The following TRANK1 variants were observed in gnomAD, a reference collection of about 807,000 sequenced individuals.
TRANK1 encodes TPR and ankyrin repeat-containing protein 1.
In TRANK1, 198 loss-of-function variants were observed where a neutral mutation model predicts 266.0. The observed-to-expected ratio is 0.74, with a 90% CI of 0.66 to 0.84. The LOEUF (loss-of-function observed/expected upper bound fraction) is 0.84. Among genes scored for constraint, TRANK1 ranks in the 40% least tolerant of loss-of-function variants. The probability of loss-of-function intolerance (pLI) is 0.00; values close to 1 mark genes in which losing one functional copy is unlikely to be tolerated. For synonymous variants in TRANK1, 1,396 were observed against 1,384.1 expected, an observed-to-expected ratio of 1.01 and a Z score of -0.19; for missense variants, 3,326 against 3,634.6, an observed-to-expected ratio of 0.92 and a Z score of 2.18.
chr3:36,861,188 C>T, intron 10 of TRANK1, 28 bp from the exon 11 acceptor site: 1 of 1,525,790 alleles, frequency 6.6e-7, no homozygotes. Flanking sequence ...AAGACACATT[C>T]CAAAAATGTT....
Position 36,892,483 on chromosome 3 carries a change from T to C in TRANK1, c.637-143A>G, listed in dbSNP as rs1044493370. ...CTAGGATTATTATAAATAACAAATT[T>C]GTGGTAAGGCAGCTGAAGGAGAAAG... is the stretch of plus-strand genomic sequence containing the variant. On this transcript the variant is annotated intron_variant, in intron 6 of 23. Coordinates refer to ENST00000645898, the MANE Select transcript of TRANK1 (RefSeq NM_001329998.2). 11 of 1,093,676 alleles carry C rather than the reference T, an allele frequency of 1.0e-5. No individual in the cohort carries two copies. The African/African-American group carries it at 1.8e-4, about 17-fold the overall frequency. 67.7% of individuals were successfully genotyped at this position (1,093,676 alleles called of 1,614,324 possible).
At position 36,833,964 on chromosome 3, in the gene TRANK1, C is replaced by T. The variant is rs780182104; in HGVS notation, c.5664-45G>A. On this transcript the variant is annotated intron_variant, in intron 21 of 23. Coordinates refer to ENST00000645898, the MANE Select transcript of TRANK1 (RefSeq NM_001329998.2). ...AAATGTCAACTTGCCATCACCCAAT[C>T]AATAGAAAATTTCCTCCAAAATACA... 1.6e-5 allele frequency: 24 copies of T among 1,531,232 alleles called. No individual in the cohort carries two copies. In the Middle Eastern group the frequency reaches 5.2e-4, roughly 33 times the overall value. The allele number at this position is 1,531,232 out of a possible 1,614,324, so 94.9% of individuals were successfully genotyped here.
intron 9 of TRANK1, among the ~76,000 whole-genome samples, chr3:36,866,746 C>A (rs946965691): frequency 1.3e-5 from 2 of 152,200 alleles, no homozygotes; most frequent in African/African-American, 4.8e-5. Context: ...CCCTTGAAAA[C>A]AAGCCTTGGG....
chr3:36,874,987 A>T (rs1009064494), intron 8 of TRANK1, among the ~76,000 whole-genome samples: 3 of 151,528 alleles, frequency 2.0e-5, no homozygotes, highest in Non-Finnish European at 2.9e-5. Flanking sequence ...TGAGAAGGCA[A>T]CTGCACTTCT....
chr3:36,830,267 A>G (rs1031480493), intron 22 of TRANK1, among the ~76,000 whole-genome samples: 3 of 152,000 alleles, frequency 2.0e-5, no homozygotes, highest in Non-Finnish European at 4.4e-5. Context: ...GTGAGCCAAG[A>G]TCACGCCACT....
At position 36,832,140 on chromosome 3, in the gene TRANK1, G is replaced by A; in HGVS notation, c.7443C>T (p.Ser2481=). The A allele has an allele frequency of 6.2e-7, 1 of 1,613,976 alleles. No individual in the cohort carries two copies. The highest frequency in any genetic ancestry group is 8.5e-7 in the Non-Finnish European group (1 of 1,179,894). ...WKNVILCLPK[S]YIALLHYWEF... ...CCCAGTAGTGCAAGAGTGCAATGTA[G>A]CTCTTGGGGAGGCATAGAATGACAT... Residue 2481 remains serine, a synonymous_variant, in exon 22 of 24, where the codon AGC becomes AGT. Transcript: ENST00000645898.
rs139121810 is a variant in TRANK1 at position 36,842,888 on chromosome 3, C to T, written c.5192-178G>A. Among the ~76,000 whole-genome samples the T allele has an allele frequency of 3.3e-3, 496 of 152,286 alleles. 4 individuals carry two copies. Among genetic ancestry groups the T allele is most frequent in the East Asian group, 0.023 (118 of 5,174 alleles). ...AGAGATAGGGCCTTTACAGAGGTGA[C>T]TAGGTTAAAATGAGGCCATTAGGAT... On this transcript the variant is annotated intron_variant, in intron 17 of 23. Transcript: ENST00000645898.
At position 36,832,948 on chromosome 3, in the gene TRANK1, G is replaced by A; in HGVS notation, c.6635C>T (p.Pro2212Leu). Reference protein sequence around the residue: ...EDENCEHFHRPLRRCEAKCLV... With the variant: ...EDENCEHFHRLLRRCEAKCLV... ...ACACTTGGCTTCACAACGCCGCAGA[G>A]GCCTGTGAAAATGTTCACAGTTTTC... Residue 2212 changes from proline (P) to leucine (L), a missense_variant, in exon 22 of 24, where the codon CCT becomes CTT. Transcript: ENST00000645898. The A allele has an allele frequency of 6.2e-7, 1 of 1,612,472 alleles. No homozygotes were observed.
rs370407851 is a variant in TRANK1 at position 36,834,937 on chromosome 3, A to C, written c.5518-30T>G. On this transcript the variant is annotated intron_variant, in intron 20 of 23. Coordinates refer to ENST00000645898, the MANE Select transcript of TRANK1 (RefSeq NM_001329998.2). ...GATGGAGTAAATTTTACTTTTATTT[A>C]GAGTACTCATGATTAACTTTCTAAT... The C allele has an allele frequency of 4.8e-5, 76 of 1,572,396 alleles. 1 individual carries two copies. In the African/African-American group the frequency reaches 7.9e-4, roughly 16 times the overall value.
At chr3:36,921,546 T>G (rs2080213378) in intron 1 of TRANK1, among the ~76,000 whole-genome samples, 1 of 152,146 alleles carries the variant, frequency 6.6e-6, no homozygotes, top group Non-Finnish European at 1.5e-5. Flanking sequence ...GCTTGTCCCC[T>G]CAAGATTGAA....
rs1375707859 is a variant in TRANK1, at chr3:36,944,892, G to T, written c.-83C>A. On this transcript the variant is annotated 5_prime_UTR_variant, in exon 1 of 24. Transcript: ENST00000645898. ...TGGGCAGGGCGCGGCGGGCAGTGCGGAAGCCCGAAAGCTACCGGAGCCCGG... is the reference window on the plus strand; with the variant it reads ...TGGGCAGGGCGCGGCGGGCAGTGCGTAAGCCCGAAAGCTACCGGAGCCCGG... 4.0e-5 allele frequency: 53 copies of T among 1,337,172 alleles called. No homozygotes were observed. In the South Asian group the frequency reaches 8.7e-4, roughly 22 times the overall value. 82.8% of individuals were successfully genotyped at this position (1,337,172 alleles called of 1,614,324 possible).
Position 36,827,873 on chromosome 3 carries a change from A to G in TRANK1, c.*402T>C, listed in dbSNP as rs867845334. On this transcript the variant is annotated 3_prime_UTR_variant, in exon 24 of 24. Transcript: ENST00000645898. ...AGGAGATGAGGGAATCCATAGAGAG[A>G]TTTCCTGGCCCAGAGCAGCAGCAAC... 2.4e-4 allele frequency: 39 copies of G among 165,122 alleles called. No homozygotes were observed. Among genetic ancestry groups the G allele is most frequent in the Non-Finnish European group, 7.9e-5 (6 of 75,598 alleles). The allele number at this position is 165,122 out of a possible 1,614,324, so 10.2% of individuals were successfully genotyped here.
intron 8 of TRANK1, among the ~76,000 whole-genome samples, chr3:36,884,004 G>T (rs1161475904): frequency 6.6e-6 from 1 of 152,226 alleles, no homozygotes; most frequent in Non-Finnish European, 1.5e-5. Flanking sequence ...AATCTAGTCA[G>T]TAAATGTGTT....
intron 7 of TRANK1, 32 bp downstream of exon 7, chr3:36,892,170 C>A: frequency 6.5e-7 from 1 of 1,533,872 alleles, no homozygotes; most frequent in East Asian, 2.4e-5. Context: ...AGAAGGGCAG[C>A]TTGGAGGGTG....
chr3:36,831,919 A>G lies in TRANK1; in HGVS notation c.7664T>C (p.Val2555Ala). The G allele has an allele frequency of 6.2e-7, 1 of 1,614,040 alleles. No homozygotes were observed. The highest frequency in any genetic ancestry group is 8.5e-7 in the Non-Finnish European group (1 of 1,179,900). ...CAGTGTCCGCTCAGCCTCACCCGAG[A>G]CCACATAGTCTATTTCACTGAAGGC... Reference protein sequence around the residue: ...LDAFSEIDYVVSGEAERTLVL... With the variant: ...LDAFSEIDYVASGEAERTLVL... Residue 2555 changes from valine (V) to alanine (A), a missense_variant, in exon 22 of 24, where the codon GTC becomes GCC. Val to Ala is a moderately conservative substitution (Grantham distance 64). Transcript: ENST00000645898. This position sits in a 1 kb window ranked among gnomAD's most constrained non-coding sequence, Gnocchi z 5.0.
rs372427182 is a variant in TRANK1 at position 36,856,536 on chromosome 3, G to A, written c.3186C>T (p.Ile1062=). 1.5e-5 allele frequency: 25 copies of A among 1,613,984 alleles called. No homozygotes were observed. Among genetic ancestry groups the A allele is most frequent in the Middle Eastern group, 1.6e-4 (1 of 6,062 alleles). ...FRVGELEYAV[I]DLNPRPLEPI... is the part of the protein sequence containing the mutation. ...GCTCCAGTGGCCTGGGATTGAGGTC[G>A]ATCACCGCGTACTCAAGCTCACCCA... The change falls in exon 13 of 24, where the codon ATC becomes ATT. Residue 1062 remains isoleucine (I), a synonymous_variant. Transcript: ENST00000645898.
At chr3:36,921,749 G>A (rs2080216246) in intron 1 of TRANK1, among the ~76,000 whole-genome samples, 1 of 152,196 alleles carries the variant, frequency 6.6e-6, no homozygotes, top group African/African-American at 2.4e-5. Flanking sequence ...AGGTGGCCAG[G>A]GAAGAGAATG....
At chr3:36,884,601 T>A (rs904853556) in intron 8 of TRANK1, among the ~76,000 whole-genome samples, 1 of 152,130 alleles carries the variant, frequency 6.6e-6, no homozygotes, top group Non-Finnish European at 1.5e-5. Context: ...TATAATTGAA[T>A]ATACAGGGAG....
intron 1 of TRANK1, among the ~76,000 whole-genome samples, chr3:36,932,251 A>G (rs1353043206): frequency 6.6e-6 from 1 of 152,220 alleles, no homozygotes; most frequent in African/African-American, 2.4e-5. Context: ...TGGCGGATAA[A>G]GCAGTACAGC....
Sources: allele counts gnomAD v4.1 joint callset (sites outside exome capture counted in the v4.1 genomes callset), GRCh38; gene constraint gnomAD v4.1.1; non-coding constraint Gnocchi (gnomAD v3.1); transcripts MANE v1.5; gene names NCBI Gene and HGNC (gene_info 2026-07-23, HGNC 2026-07-21).